The following CDC45 variants were observed in gnomAD, a reference collection of about 807,000 sequenced individuals.
CDC45 encodes cell division control protein 45 homolog.
CDC45 carries 54 observed loss-of-function variants against 77.8 expected under a neutral mutation model. The ratio of observed to expected loss-of-function variants is 0.69; its 90% CI spans 0.56 to 0.87. The LOEUF (loss-of-function observed/expected upper bound fraction) is 0.87. Among genes scored for constraint, CDC45 ranks in the 40% least tolerant of loss-of-function variants. The probability of loss-of-function intolerance (pLI) is 0.00; values close to 1 mark genes in which losing one functional copy is unlikely to be tolerated. For missense variants in CDC45, 649 were observed against 721.6 expected (o/e 0.90, Z 1.15); for synonymous variants, 260 against 272.1 (o/e 0.96, Z 0.44).
In CDC45 at chr22:19,514,920, C is replaced by T. The variant is rs200802304; in HGVS notation, c.1356+33C>T. The T allele has an allele frequency of 8.0e-4, 1,293 of 1,614,258 alleles. 13 individuals are homozygous for T. In the South Asian group the frequency reaches 9.4e-3, roughly 12 times the overall value. On this transcript the variant is annotated intron_variant, in intron 14 of 18. Transcript: ENST00000263201. ...TTCCCACAGAGCACAGGCGCCTGGT[C>T]ACAGCACCAGTGGCTTCGTCTGACC...
intron 17 of CDC45, 29 bp downstream of exon 17, chr22:19,516,922 T>C: frequency 1.9e-6 from 3 of 1,581,502 alleles, no homozygotes; most frequent in Non-Finnish European, 2.6e-6. Context: ...TCTGCCACAC[T>C]TTCCCACCTG....
In CDC45 at chr22:19,483,891, C is replaced by T; in HGVS notation, c.372C>T (p.Asp124=). 6.2e-7 allele frequency: 1 copy of T among 1,612,570 alleles called. No homozygotes were observed. The highest frequency in any genetic ancestry group is 1.1e-5 in the South Asian group (1 of 90,588). ...QIKLLIKQDD[D]LEVPAYEDIF... Reference sequence around the variant, plus strand: ...AATTACTCATTAAACAAGATGATGACCTTGAAGTTCCCGCCTATGAAGACA... The same window carrying T: ...AATTACTCATTAAACAAGATGATGATCTTGAAGTTCCCGCCTATGAAGACA... The change falls in exon 5 of 19, where the codon GAC becomes GAT. Residue 124 remains aspartate (D), a synonymous_variant. Coordinates refer to ENST00000263201, the MANE Select transcript of CDC45 (RefSeq NM_003504.5).
At chr22:19,506,139 A>G (rs1257147784) in intron 10 of CDC45, among the ~76,000 whole-genome samples, 1 of 152,194 alleles carries the variant, frequency 6.6e-6, no homozygotes, top group East Asian at 1.9e-4. Context: ...AAACTGCAGC[A>G]GTGGCTGTAA....
chr22:19,516,638 A>G lies in CDC45; in HGVS notation c.1552A>G (p.Arg518Gly). 1.2e-6 allele frequency: 2 copies of G among 1,612,328 alleles called. No individual in the cohort carries two copies. Among genetic ancestry groups the G allele is most frequent in the South Asian group, 1.1e-5 (1 of 91,040 alleles). ...CCCCCCAGAGACCGACAGCTCGGAC[A>G]GGAAGAAGTGAGCAGCTTCCACTCG... Reference protein sequence around the residue: ...GIPPETDSSDRKNFFGRAFEK... With the variant: ...GIPPETDSSDGKNFFGRAFEK... The change falls in exon 16 of 19, where the codon AGG (arginine) becomes GGG (glycine). Residue 518 changes from arginine (R) to glycine (G), a missense_variant. Coordinates refer to ENST00000263201, the MANE Select transcript of CDC45 (RefSeq NM_003504.5).
chr22:19,487,414 T>A (rs1751506372), intron 5 of CDC45, among the ~76,000 whole-genome samples: 1 of 150,784 alleles, frequency 6.6e-6, no homozygotes, highest in African/African-American at 2.4e-5. Flanking sequence ...TAGGCCCGGC[T>A]ACTTGGGAGG....
intron 5 of CDC45, among the ~76,000 whole-genome samples, chr22:19,489,116 C>T (rs1032741110): frequency 3.3e-5 from 5 of 152,156 alleles, no homozygotes; most frequent in Admixed American, 3.3e-4. Context: ...GTCGAGGCTG[C>T]AGTGAGCTGT....
chr22:19,485,861 A>G (rs2090058722), intron 5 of CDC45, among the ~76,000 whole-genome samples: 1 of 152,186 alleles, frequency 6.6e-6, no homozygotes, highest in South Asian at 2.1e-4. Flanking sequence ...AGGATTGATG[A>G]AGCCCAGGAA....
At chr22:19,505,536 T>A in intron 10 of CDC45, 55 bp downstream of exon 10, 1 of 1,598,062 alleles carries the variant, frequency 6.3e-7, no homozygotes. Flanking sequence ...TCAGCAGGCC[T>A]TGTTTGCTTT....
In CDC45 at chr22:19,505,060, G is replaced by A. The variant is rs111883646; in HGVS notation, c.705-302G>A. The stretch of plus-strand genomic sequence containing the variant: ...TCTGCTGTGGATCCCTGTCACTTAC[G>A]GAGTCTGTCATCTTGGCTGTATGGG... On this transcript the variant is annotated intron_variant, in intron 9 of 18. Coordinates refer to ENST00000263201, the MANE Select transcript of CDC45 (RefSeq NM_003504.5). 4,048 of 386,580 alleles carry A rather than the reference G, an allele frequency of 0.01. 43 individuals are homozygous for A. Among genetic ancestry groups the A allele is most frequent in the Non-Finnish European group, 0.016 (3,218 of 207,510 alleles). 23.9% of individuals were successfully genotyped at this position (386,580 alleles called of 1,614,324 possible). A position where few individuals can be genotyped will look rare whatever the true frequency, so the allele number is the denominator to read the frequency against.
At chr22:19,515,320 C>T (rs1275680417) in intron 15 of CDC45, among the ~76,000 whole-genome samples, 6 of 152,174 alleles carry the variant, frequency 3.9e-5, no homozygotes, top group Admixed American at 3.9e-4. Flanking sequence ...GGGCTTGTGT[C>T]CTATTGTTGC....
At chr22:19,500,254 G>A (rs1243436426) in intron 9 of CDC45, among the ~76,000 whole-genome samples, 1 of 152,162 alleles carries the variant, frequency 6.6e-6, no homozygotes, top group Non-Finnish European at 1.5e-5. Context: ...CTAGAGTGGG[G>A]TCTTCCTGCT....
intron 9 of CDC45, among the ~76,000 whole-genome samples, chr22:19,502,582 TAA>T (rs1450319583): frequency 2.0e-5 from 3 of 152,216 alleles, no homozygotes; most frequent in African/African-American, 7.2e-5. Context: ...CACCAGTTTA[TAA>T]AAGAGGGCTG....
At chr22:19,503,567 C>G (rs1932985544) in intron 9 of CDC45, among the ~76,000 whole-genome samples, 1 of 152,160 alleles carries the variant, frequency 6.6e-6, no homozygotes, top group Non-Finnish European at 1.5e-5. Context: ...CTGCTGCTAG[C>G]AATTCCTTCA....
At chr22:19,509,193 T>C (rs1404053468) in intron 13 of CDC45, among the ~76,000 whole-genome samples, 2 of 152,180 alleles carry the variant, frequency 1.3e-5, no homozygotes, top group Non-Finnish European at 2.9e-5. Context: ...CCAAATACAC[T>C]GAATTTATTT....
chr22:19,482,575 C>G (rs1215680558), intron 3 of CDC45, 115 bp from the exon 4 acceptor site: 1 of 1,147,766 alleles, frequency 8.7e-7, no homozygotes, highest in African/African-American at 1.5e-5. Context: ...GCCACGTGGG[C>G]CTCGCCACAT....
At chr22:19,502,748 CCA>C (rs1388833994) in intron 9 of CDC45, among the ~76,000 whole-genome samples, 2 of 151,922 alleles carry the variant, frequency 1.3e-5, no homozygotes, top group African/African-American at 2.4e-5. Flanking sequence ...CTTTTTTTCT[CCA>C]GTTTCAAGTT....
intron 9 of CDC45, among the ~76,000 whole-genome samples, chr22:19,502,416 A>G (rs1568926853): frequency 6.6e-6 from 1 of 152,246 alleles, no homozygotes. Context: ...TTTGTTTATG[A>G]GCACTCATTT....
At chr22:19,492,275 G>T (rs1201493950) in intron 5 of CDC45, among the ~76,000 whole-genome samples, 1 of 151,972 alleles carries the variant, frequency 6.6e-6, no homozygotes, top group Non-Finnish European at 1.5e-5. Context: ...TTTCTCGGTT[G>T]TTCAGACTGG....
At position 19,494,384 on chromosome 22, in the gene CDC45, T is replaced by C; in HGVS notation, c.542+2T>C. 1 of 1,613,250 alleles carries C rather than the reference T, an allele frequency of 6.2e-7. No homozygotes were observed. The highest frequency in any genetic ancestry group is 1.1e-5 in the South Asian group (1 of 90,982). On this transcript the variant is annotated splice_donor_variant, in intron 6 of 18. Coordinates refer to ENST00000263201, the MANE Select transcript of CDC45 (RefSeq NM_003504.5). LOFTEE classifies it high-confidence loss of function. ...GCGGCGAGAGTGGGAGGCCCGGAGGTGAGTCTGTGCTTCCAGCTGCTCCCA... is the reference window on the plus strand; with the variant it reads ...GCGGCGAGAGTGGGAGGCCCGGAGGCGAGTCTGTGCTTCCAGCTGCTCCCA...
Sources: gnomAD v4.1 joint callset for allele counts (sites outside exome capture counted in the v4.1 genomes callset) on GRCh38, gnomAD v4.1.1 for gene constraint, MANE v1.5 for transcripts, NCBI Gene and HGNC (gene_info 2026-07-23, HGNC 2026-07-21) for gene names.